Variants in TACC2 observed in about 807,000 individuals in gnomAD.
TACC2 encodes transforming acidic coiled-coil containing protein 2.
TACC2 carries 137 observed loss-of-function variants against 227.3 expected under a neutral mutation model. The ratio of observed to expected loss-of-function variants is 0.60; its 90% CI spans 0.52 to 0.69. The LOEUF is 0.69. TACC2 is among the 30% of genes least tolerant of loss of function. The pLI, the probability that TACC2 is intolerant of heterozygous loss-of-function variation, is 0.00. For missense variants in TACC2, 3,470 were observed against 3,694.4 expected (o/e 0.94, Z 1.57); for synonymous variants, 1,523 against 1,487.5 (o/e 1.02, Z -0.55).
intron 5 of TACC2, among the ~76,000 whole-genome samples, chr10:122,109,777 C>T (rs2137958073): frequency 6.6e-6 from 1 of 152,300 alleles, no homozygotes; most frequent in African/African-American, 2.4e-5. Flanking sequence ...GGGTGTTATA[C>T]ATAGGGTGCC....
intron 1 of TACC2, among the ~76,000 whole-genome samples, chr10:122,011,390 C>T (rs1288967240): frequency 2.6e-5 from 4 of 152,120 alleles, no homozygotes; most frequent in South Asian, 2.1e-4. Flanking sequence ...GGTGCAGTGG[C>T]GGGCTCTCGG....
At chr10:122,126,353 G>A (rs1440716040) in intron 5 of TACC2, among the ~76,000 whole-genome samples, 1 of 46,632 alleles carries the variant, frequency 2.1e-5, no homozygotes, top group Non-Finnish European at 9.8e-5. Flanking sequence ...TGTGTTTGAT[G>A]TTCAAATAGT....
Position 122,130,818 on chromosome 10 carries a change from C to T in TACC2, c.5574-1791C>T, listed in dbSNP as rs142873369. 1.9e-3 allele frequency among the ~76,000 whole-genome samples: 293 copies of T among 152,260 alleles called. 1 individual carries two copies. Among genetic ancestry groups the T allele is most frequent in the African/African-American group, 6.8e-3 (282 of 41,532 alleles). The stretch of plus-strand genomic sequence containing the variant: ...TCAAATACAGTGCCATCTATACGCA[C>T]TTAGAACAGTTCCTGGCACGTATAC... On this transcript the variant is annotated intron_variant, in intron 5 of 22. Coordinates refer to ENST00000369005, the MANE Select transcript of TACC2 (RefSeq NM_206862.4).
chr10:122,048,368 A>G (rs150474842), intron 2 of TACC2, among the ~76,000 whole-genome samples: 75 of 150,222 alleles, frequency 5.0e-4, no homozygotes, highest in African/African-American at 1.8e-3. Flanking sequence ...GGAGGAATGG[A>G]GCCTTATTTT....
chr10:122,086,104 G>A lies in TACC2; in HGVS notation c.3604G>A (p.Gly1202Arg). ...CTTGCTGCCAGCCAGAGAGCTGGGT[G>A]GGATTCCCAGGAGCACCATGGATTT... ...DALLPARELG[G>R]IPRSTMDFST... Residue 1202 changes from glycine to arginine, a missense_variant, in exon 4 of 23, where the codon GGG becomes AGG. Transcript: ENST00000369005. 8.1e-6 allele frequency: 13 copies of A among 1,613,622 alleles called. No individual in the cohort carries two copies. Among genetic ancestry groups the A allele is most frequent in the Non-Finnish European group, 1.1e-5 (13 of 1,179,998 alleles).
intron 2 of TACC2, among the ~76,000 whole-genome samples, chr10:122,030,013 C>T (rs7903174): frequency 0.65 from 98,490 of 151,610 alleles, 32,544 homozygotes; most frequent in African/African-American, 0.77. Context: ...GATGGGGTGC[C>T]ACTGGCATCT....
rs775681531 is a variant in TACC2, at chr10:122,132,644, C to T, written c.5609C>T (p.Ala1870Val). 1.9e-6 allele frequency: 3 copies of T among 1,614,134 alleles called. No homozygotes were observed. ...PVADDIIQPA[A>V]PADLESPTLA... ...GCAGATGATATCATCCAGCCCGCTG[C>T]CCCCGCAGACCTGGAAAGCCCAACC... The change falls in exon 6 of 23, where the codon GCC (alanine) becomes GTC (valine). Residue 1870 changes from alanine (A) to valine (V), a missense_variant. This residue lies in a region of TACC2 where 1,924 missense variants were observed against 1,978.3 expected (regional missense o/e 0.97). Transcript: ENST00000369005.
chr10:122,065,456 T>C (rs995223610), intron 3 of TACC2, among the ~76,000 whole-genome samples: 1 of 152,250 alleles, frequency 6.6e-6, no homozygotes. Flanking sequence ...CTTTCTGTTA[T>C]TGATTTCTAA....
chr10:122,026,253 G>A (rs929067515), intron 2 of TACC2, among the ~76,000 whole-genome samples: 8 of 149,610 alleles, frequency 5.3e-5, no homozygotes, highest in East Asian at 2.0e-4. Flanking sequence ...GCATGAACCC[G>A]GGAGGCGGAG....
rs537032352 is a variant in TACC2, at chr10:122,083,691, C to G, written c.1191C>G (p.Pro397=). The change falls in exon 4 of 23, where the codon CCC becomes CCG. Residue 397 remains proline, a synonymous_variant. Transcript: ENST00000369005. ...QVVCVAAGGQ[P]EGGLPVSPEP... is the part of the protein sequence containing the mutation. Reference sequence around the variant, plus strand: ...TCTGTGTGGCAGCAGGCGGCCAGCCCGAAGGGGGTTTGCCTGTGAGCCCTG... The same window carrying G: ...TCTGTGTGGCAGCAGGCGGCCAGCCGGAAGGGGGTTTGCCTGTGAGCCCTG... 1 of 1,612,918 alleles carries G rather than the reference C, an allele frequency of 6.2e-7. No homozygotes were observed. Among genetic ancestry groups the G allele is most frequent in the East Asian group, 2.2e-5 (1 of 44,874 alleles).
At chr10:122,002,101 G>A (rs1954439879) in intron 1 of TACC2, among the ~76,000 whole-genome samples, 1 of 152,218 alleles carries the variant, frequency 6.6e-6, no homozygotes, top group Non-Finnish European at 1.5e-5. Flanking sequence ...AGGCCCTAGT[G>A]AGGATCATCT....
intron 5 of TACC2, among the ~76,000 whole-genome samples, chr10:122,105,059 A>C (rs76078664): frequency 6.6e-6 from 1 of 152,204 alleles, no homozygotes; most frequent in African/African-American, 2.4e-5. Context: ...TAGTCTAGGG[A>C]AGTTCATGCT....
At chr10:122,108,765 C>T (rs59458190) in intron 5 of TACC2, among the ~76,000 whole-genome samples, 12,894 of 140,728 alleles carry the variant, frequency 0.092, 832 homozygotes, top group Middle Eastern at 0.21. Flanking sequence ...TCTTGAGTCT[C>T]GCTGCGTCAC....
chr10:122,008,264 A>ATTTTATT (rs372529209), intron 1 of TACC2, among the ~76,000 whole-genome samples: 1 of 134,664 alleles, frequency 7.4e-6, no homozygotes, highest in South Asian at 2.4e-4. Flanking sequence ...TATTATTATT[A>ATTTTATT]TTTTTTTTTT....
At chr10:122,024,306 C>G (rs1157984585) in intron 2 of TACC2, among the ~76,000 whole-genome samples, 1 of 152,136 alleles carries the variant, frequency 6.6e-6, no homozygotes, top group Non-Finnish European at 1.5e-5. Flanking sequence ...GTCAAGGCTG[C>G]AGTGAGCCAT....
At chr10:122,175,715 C>G (rs1410430547) in intron 7 of TACC2, among the ~76,000 whole-genome samples, 1 of 152,166 alleles carries the variant, frequency 6.6e-6, no homozygotes, top group Non-Finnish European at 1.5e-5. Flanking sequence ...GTCTACAACT[C>G]AGGGACCAGG....
chr10:122,103,179 G>C (rs1176988315), intron 5 of TACC2, among the ~76,000 whole-genome samples: 1 of 88,440 alleles, frequency 1.1e-5, no homozygotes, highest in African/African-American at 3.8e-5. Context: ...CTATGATATG[G>C]CTGGGTTCCT....
At chr10:122,120,548 T>A (rs870274) in intron 5 of TACC2, among the ~76,000 whole-genome samples, 63,262 of 151,880 alleles carry the variant, frequency 0.42, 14,447 homozygotes, top group South Asian at 0.59. Flanking sequence ...TTGTCGCACA[T>A]CATGAGTCGA....
chr10:122,177,993 C>G (rs2093802257), intron 7 of TACC2, among the ~76,000 whole-genome samples: 1 of 152,158 alleles, frequency 6.6e-6, no homozygotes. Flanking sequence ...GATAGCTGAG[C>G]TCACCTCTGG....
Sources: allele counts gnomAD v4.1 joint callset (sites outside exome capture counted in the v4.1 genomes callset), GRCh38; gene constraint gnomAD v4.1.1; regional missense constraint gnomAD v4.1.1; transcripts MANE v1.5; gene names NCBI Gene and HGNC (gene_info 2026-07-23, HGNC 2026-07-21).